The following CABLES1 variants were observed in gnomAD, a reference collection of about 807,000 sequenced individuals.
The protein encoded by CABLES1 is Cdk5 and Abl enzyme substrate 1.
In CABLES1, 36 loss-of-function variants were observed where a neutral mutation model predicts 57.8. The ratio of observed to expected loss-of-function variants is 0.62; its 90% CI spans 0.48 to 0.82. The LOEUF is 0.82. Among genes scored for constraint, CABLES1 ranks in the 40% least tolerant of loss-of-function variants. The probability of loss-of-function intolerance (pLI) is 0.00; values close to 1 mark genes in which losing one functional copy is unlikely to be tolerated. For synonymous variants in CABLES1, 374 were observed against 363.0 expected (o/e 1.03, Z -0.35); for missense variants, 767 against 836.6 (o/e 0.92, Z 1.03).
At chr18:23,224,509 GTAGA>G (rs1418218480) in intron 4 of CABLES1, among the ~76,000 whole-genome samples, 1 of 147,372 alleles carries the variant, frequency 6.8e-6, no homozygotes, top group Non-Finnish European at 1.5e-5. Context: ...GAAAGCTGTA[GTAGA>G]TATTCATTAA....
At chr18:23,140,438 CTTTTTTT>C (rs11358415) in intron 1 of CABLES1, among the ~76,000 whole-genome samples, 1 of 138,324 alleles carries the variant, frequency 7.2e-6, no homozygotes, top group Non-Finnish European at 1.6e-5. Context: ...CGTTTTCTTT[CTTTTTTT>C]TTTTTTTTTG....
chr18:23,137,851 GGGAA>G (rs2046833524), intron 1 of CABLES1, among the ~76,000 whole-genome samples: 1 of 152,200 alleles, frequency 6.6e-6, no homozygotes, highest in African/African-American at 2.4e-5. Flanking sequence ...TGTGGAACCG[GGGAA>G]GCAGCCTCAT....
chr18:23,194,920 A>G (rs1177655938), intron 3 of CABLES1, among the ~76,000 whole-genome samples: 1 of 152,180 alleles, frequency 6.6e-6, no homozygotes, highest in Non-Finnish European at 1.5e-5. Context: ...GCTCTGGTCA[A>G]TAAATGCCCT....
intron 1 of CABLES1, among the ~76,000 whole-genome samples, chr18:23,153,921 C>A (rs914514852): frequency 6.6e-6 from 1 of 151,956 alleles, no homozygotes. Flanking sequence ...ATCTCAGCCA[C>A]CTAGGACGCG....
chr18:23,168,057 C>T (rs2047056022), intron 1 of CABLES1, among the ~76,000 whole-genome samples: 1 of 152,180 alleles, frequency 6.6e-6, no homozygotes, highest in Non-Finnish European at 1.5e-5. Flanking sequence ...GCTGGAGGCC[C>T]CTCAGGGCGA....
intron 2 of CABLES1, among the ~76,000 whole-genome samples, chr18:23,190,907 G>A (rs2047237968): frequency 1.3e-5 from 2 of 151,616 alleles, no homozygotes; most frequent in African/African-American, 4.9e-5. Context: ...AGACCCCCAT[G>A]TCTACAATCA....
chr18:23,220,410 TA>T (rs2047478239), intron 4 of CABLES1, among the ~76,000 whole-genome samples: 1 of 152,082 alleles, frequency 6.6e-6, no homozygotes, highest in African/African-American at 2.4e-5. Flanking sequence ...TACTTGAGGC[TA>T]GGGGCTGAGA....
At chr18:23,240,330 C>G (rs2047703996) in intron 7 of CABLES1, among the ~76,000 whole-genome samples, 1 of 152,134 alleles carries the variant, frequency 6.6e-6, no homozygotes, top group Non-Finnish European at 1.5e-5. Flanking sequence ...ATAGATTTTT[C>G]TAACTGTAGA....
At chr18:23,177,969 G>T (rs2047136785) in intron 1 of CABLES1, among the ~76,000 whole-genome samples, 1 of 152,190 alleles carries the variant, frequency 6.6e-6, no homozygotes, top group African/African-American at 2.4e-5. Context: ...CGCCCATTCA[G>T]AACATAGGTA....
At position 23,194,392 on chromosome 18, in the gene CABLES1, G is replaced by A. The variant is rs975008192; in HGVS notation, c.918-56G>A. 9 of 1,088,212 alleles carry A rather than the reference G, an allele frequency of 8.3e-6. No individual in the cohort carries two copies. In the Admixed American group the frequency reaches 8.6e-5, roughly 10 times the overall value. 67.4% of individuals were successfully genotyped at this position (1,088,212 alleles called of 1,614,324 possible). A position where few individuals can be genotyped will look rare whatever the true frequency, so the allele number is the denominator to read the frequency against. ...TTCCTTCCTGTCTTTATGTGGAGAC[G>A]TCTCAGCTGTCCAGCAGGCAACTGA... On this transcript the variant is annotated intron_variant, in intron 2 of 9. Transcript: ENST00000256925.
At chr18:23,230,128 C>T (rs1412649647) in intron 4 of CABLES1, among the ~76,000 whole-genome samples, 1 of 152,200 alleles carries the variant, frequency 6.6e-6, no homozygotes, top group Non-Finnish European at 1.5e-5. Context: ...AATCCCAGCA[C>T]TTTGGGAGGC....
Position 23,259,672 on chromosome 18 carries a change from G to T in CABLES1, c.*2305G>T, listed in dbSNP as rs1487281338. 2 of 152,240 alleles carry T rather than the reference G, an allele frequency of 1.3e-5. No homozygotes were observed. The highest frequency in any genetic ancestry group is 2.9e-5 in the Non-Finnish European group (2 of 68,104). The allele number at this position is 152,240 out of a possible 1,614,324, so 9.4% of individuals were successfully genotyped here. A position where few individuals can be genotyped will look rare whatever the true frequency, so the allele number is the denominator to read the frequency against. On this transcript the variant is annotated 3_prime_UTR_variant, in exon 10 of 10. Coordinates refer to ENST00000256925, the MANE Select transcript of CABLES1 (RefSeq NM_001100619.3). ...CTTTTCGGAGGCAAAGGAAGTGGAG[G>T]AGGGTGAGAGATGCAGGTCACTGCC...
intron 1 of CABLES1, among the ~76,000 whole-genome samples, chr18:23,156,747 C>T (rs542917974): frequency 2.2e-4 from 33 of 152,224 alleles, no homozygotes; most frequent in South Asian, 1.2e-3. Context: ...TCATTGACAG[C>T]GGCATTGTAA....
chr18:23,246,611 T>C (rs924581977), intron 7 of CABLES1, among the ~76,000 whole-genome samples: 43 of 151,842 alleles, frequency 2.8e-4, no homozygotes, highest in African/African-American at 5.1e-4. Context: ...CAGGATGGTC[T>C]CGATCTCCTG....
At chr18:23,194,082 G>C (rs989526100) in intron 2 of CABLES1, among the ~76,000 whole-genome samples, 2 of 152,036 alleles carry the variant, frequency 1.3e-5, no homozygotes, top group Non-Finnish European at 2.9e-5. Context: ...TAAATGTACA[G>C]TTTTTGGTTC....
At chr18:23,209,777 A>G (rs35799969) in intron 3 of CABLES1, among the ~76,000 whole-genome samples, 21,302 of 144,480 alleles carry the variant, frequency 0.15, 2,199 homozygotes, top group Admixed American at 0.27. Flanking sequence ...CAAAAGAGGA[A>G]ATACTTGAGG....
chr18:23,192,460 T>C (rs547270058), intron 2 of CABLES1, among the ~76,000 whole-genome samples: 56 of 152,308 alleles, frequency 3.7e-4, no homozygotes, highest in Middle Eastern at 6.8e-3. Flanking sequence ...CAGGCCATCC[T>C]TCGTCTGTGC....
At chr18:23,257,015 G>T in intron 9 of CABLES1, 1 of 572,672 alleles carries the variant, frequency 1.7e-6, no homozygotes, top group Non-Finnish European at 3.0e-6. Flanking sequence ...GTGTGGTTCC[G>T]GGCAGCCCCT....
intron 3 of CABLES1, among the ~76,000 whole-genome samples, chr18:23,212,064 C>T (rs2047409029): frequency 6.6e-6 from 1 of 152,236 alleles, no homozygotes; most frequent in Non-Finnish European, 1.5e-5. Flanking sequence ...GTGTACATCT[C>T]ATGCTACTCC....
Sources: gnomAD v4.1 joint callset for allele counts (sites outside exome capture counted in the v4.1 genomes callset) on GRCh38, gnomAD v4.1.1 for gene constraint, MANE v1.5 for transcripts, NCBI Gene and HGNC (gene_info 2026-07-23, HGNC 2026-07-21) for gene names.